The following ARHGEF38 variants were observed in gnomAD, a reference collection of about 807,000 sequenced individuals.
ARHGEF38 encodes the protein Rho guanine nucleotide exchange factor (GEF) 38.
Under a neutral mutation model 79.9 loss-of-function variants are expected in ARHGEF38, and 79 were observed. That is an observed-to-expected ratio of 0.99 (90% confidence interval 0.82 to 1.19). The LOEUF is 1.19. ARHGEF38 is among the 50% of genes most tolerant of loss of function. The pLI is 0.00. For synonymous variants in ARHGEF38, 366 were observed against 328.3 expected (o/e 1.11, Z -1.24); for missense variants, 962 against 907.2 (o/e 1.06, Z -0.78).
At chr4:105,565,531 AATG>A (rs1725845565) in intron 1 of ARHGEF38, among the ~76,000 whole-genome samples, 1 of 152,144 alleles carries the variant, frequency 6.6e-6, no homozygotes, top group African/African-American at 2.4e-5. Flanking sequence ...GGGGTTTCGT[AATG>A]ATCTGTCTGG....
chr4:105,587,144 T>C (rs770875439), intron 1 of ARHGEF38, among the ~76,000 whole-genome samples: 3 of 152,118 alleles, frequency 2.0e-5, no homozygotes, highest in Admixed American at 6.5e-5. Context: ...TACTTTCCAA[T>C]GCAAATATTA....
At chr4:105,556,529 A>G (rs1725259574) in intron 1 of ARHGEF38, among the ~76,000 whole-genome samples, 1 of 152,128 alleles carries the variant, frequency 6.6e-6, no homozygotes, top group Non-Finnish European at 1.5e-5. Flanking sequence ...AGGTACAGGT[A>G]AGAGAATGGC....
At chr4:105,639,684 A>G (rs1304534393) in intron 5 of ARHGEF38, among the ~76,000 whole-genome samples, 1 of 151,984 alleles carries the variant, frequency 6.6e-6, no homozygotes, top group Admixed American at 6.6e-5. Flanking sequence ...CTCTATTTCT[A>G]TACATATTTG....
chr4:105,641,676 T>C (rs1259326986), intron 5 of ARHGEF38, among the ~76,000 whole-genome samples: 1 of 152,064 alleles, frequency 6.6e-6, no homozygotes, highest in Non-Finnish European at 1.5e-5. Context: ...TTTTATGTAT[T>C]TTTTCCTTCC....
chr4:105,568,116 C>A (rs1046027090), intron 1 of ARHGEF38, among the ~76,000 whole-genome samples: 16 of 151,628 alleles, frequency 1.1e-4, no homozygotes, highest in Admixed American at 8.5e-4. Context: ...ACGAACTCAT[C>A]ATTTTTTATG....
rs187226727 is a variant in ARHGEF38, at chr4:105,631,064, A to G, written c.656+19A>G. Reference sequence around the variant, plus strand: ...CCTTAAAGTAAGGCCTTTTCAAATGATGATTCCCATCTCCTCTCAGTTGCC... The same window carrying G: ...CCTTAAAGTAAGGCCTTTTCAAATGGTGATTCCCATCTCCTCTCAGTTGCC... On this transcript the variant is annotated intron_variant, in intron 4 of 13. Transcript: ENST00000420470. 539 of 1,598,798 alleles carry G rather than the reference A, an allele frequency of 3.4e-4. 2 individuals are homozygous for G. In the East Asian group the frequency reaches 0.011, roughly 32 times the overall value.
intron 2 of ARHGEF38, 130 bp downstream of exon 2, chr4:105,589,565 G>T: frequency 1.3e-6 from 1 of 795,696 alleles, no homozygotes; most frequent in Non-Finnish European, 1.9e-6. Flanking sequence ...ACTGTTCTCA[G>T]CTCTGGGGTT....
At chr4:105,665,047 G>T (rs1173239482) in intron 10 of ARHGEF38, among the ~76,000 whole-genome samples, 1 of 152,054 alleles carries the variant, frequency 6.6e-6, no homozygotes, top group Non-Finnish European at 1.5e-5. Context: ...CCAGGCTGGA[G>T]TGTCATGGTG....
At chr4:105,664,491 AC>A (rs1730679113) in intron 10 of ARHGEF38, among the ~76,000 whole-genome samples, 1 of 152,060 alleles carries the variant, frequency 6.6e-6, no homozygotes, top group Admixed American at 6.6e-5. Context: ...TTCTCTCTAT[AC>A]CCCTACATTT....
chr4:105,634,850 G>A (rs1208632536), intron 4 of ARHGEF38, among the ~76,000 whole-genome samples: 2 of 152,070 alleles, frequency 1.3e-5, no homozygotes, highest in African/African-American at 4.8e-5. Context: ...CTAGTCATCT[G>A]GGCACTTTGG....
chr4:105,558,856 T>G (rs1185921971), intron 1 of ARHGEF38, among the ~76,000 whole-genome samples: 2 of 150,170 alleles, frequency 1.3e-5, no homozygotes, highest in African/African-American at 4.9e-5. Flanking sequence ...TTTATCAAAA[T>G]GAGACATCAA....
At chr4:105,627,548 T>C (rs1728998460) in intron 3 of ARHGEF38, among the ~76,000 whole-genome samples, 1 of 152,198 alleles carries the variant, frequency 6.6e-6, no homozygotes, top group Non-Finnish European at 1.5e-5. Flanking sequence ...GCATTTTTTT[T>C]CTCCTTTGCA....
At chr4:105,648,497 C>T in intron 6 of ARHGEF38, 52 bp from the exon 7 acceptor site, 2 of 1,410,200 alleles carry the variant, frequency 1.4e-6, no homozygotes, top group South Asian at 3.3e-5. Context: ...GTGAAGTGCA[C>T]ACTTTCTATG....
chr4:105,649,063 T>A (rs750093328), intron 7 of ARHGEF38, among the ~76,000 whole-genome samples: 2 of 152,194 alleles, frequency 1.3e-5, no homozygotes, highest in Non-Finnish European at 2.9e-5. Flanking sequence ...ACTTCTGCTC[T>A]TAAAAGTTGT....
At chr4:105,567,264 T>A (rs1725973208) in intron 1 of ARHGEF38, among the ~76,000 whole-genome samples, 1 of 152,222 alleles carries the variant, frequency 6.6e-6, no homozygotes, top group Non-Finnish European at 1.5e-5. Flanking sequence ...GACCAATATT[T>A]TAAAATGCAA....
At chr4:105,646,217 A>G (rs1729833250) in intron 6 of ARHGEF38, among the ~76,000 whole-genome samples, 1 of 152,186 alleles carries the variant, frequency 6.6e-6, no homozygotes, top group South Asian at 2.1e-4. Context: ...TTAGTAAATT[A>G]AAAAGAAAGG....
At chr4:105,635,511 A>G (rs755435082) in intron 4 of ARHGEF38, among the ~76,000 whole-genome samples, 7 of 152,046 alleles carry the variant, frequency 4.6e-5, no homozygotes, top group Non-Finnish European at 1.0e-4. Context: ...ACTTCAATGT[A>G]TGTGTTTTGA....
chr4:105,580,926 C>T (rs544987018), intron 1 of ARHGEF38, among the ~76,000 whole-genome samples: 3 of 152,222 alleles, frequency 2.0e-5, no homozygotes, highest in East Asian at 3.9e-4. Context: ...CCACCAACCT[C>T]GGCATCCCAA....
At chr4:105,605,177 G>A (rs940954494) in intron 2 of ARHGEF38, among the ~76,000 whole-genome samples, 1 of 152,042 alleles carries the variant, frequency 6.6e-6, no homozygotes, top group African/African-American at 2.4e-5. Context: ...GAGAAACAAA[G>A]GCAGAGACCT....
Sources: gnomAD v4.1 joint callset for allele counts (sites outside exome capture counted in the v4.1 genomes callset) on GRCh38, gnomAD v4.1.1 for gene constraint, MANE v1.5 for transcripts, NCBI Gene and HGNC (gene_info 2026-07-23, HGNC 2026-07-21) for gene names.